Variants in NBEA observed in about 807,000 individuals in gnomAD.
NBEA encodes neurobeachin.
NBEA carries 44 observed loss-of-function variants against 343.4 expected under a neutral mutation model. That is an observed-to-expected ratio of 0.13 (90% CI 0.10 to 0.16). The LOEUF (loss-of-function observed/expected upper bound fraction) is 0.16, where lower values mean the gene tolerates loss of function less well. NBEA is among the 10% of genes least tolerant of loss of function. The pLI is 1.00. For synonymous variants in NBEA, 1,175 were observed against 1,238.7 expected (o/e 0.95, Z 1.08); for missense variants, 2,555 against 3,631.3 (o/e 0.70, Z 7.62).
intron 45 of NBEA, among the ~76,000 whole-genome samples, chr13:35,579,007 G>T (rs531620061): frequency 6.6e-6 from 1 of 151,552 alleles, no homozygotes; most frequent in African/African-American, 2.4e-5. Context: ...TTCCACTTAT[G>T]GTGTCATGTT....
At chr13:35,607,200 C>G (rs1463922061) in intron 48 of NBEA, among the ~76,000 whole-genome samples, 1 of 152,100 alleles carries the variant, frequency 6.6e-6, no homozygotes, top group East Asian at 1.9e-4. Flanking sequence ...TAGGCAAATG[C>G]CACCATGCCA....
intron 1 of NBEA, among the ~76,000 whole-genome samples, chr13:34,982,767 T>C (rs1478674384): frequency 6.6e-6 from 1 of 152,212 alleles, no homozygotes; most frequent in Non-Finnish European, 1.5e-5. Flanking sequence ...GTTGTAATGT[T>C]TCTAAGCTCT....
intron 1 of NBEA, among the ~76,000 whole-genome samples, chr13:34,950,681 G>T (rs2059324058): frequency 6.6e-6 from 1 of 151,728 alleles, no homozygotes; most frequent in Non-Finnish European, 1.5e-5. Context: ...ACTTGTCAAA[G>T]AACTTGATAT....
At chr13:34,951,065 A>G (rs1186931784) in intron 1 of NBEA, among the ~76,000 whole-genome samples, 1 of 152,196 alleles carries the variant, frequency 6.6e-6, no homozygotes, top group East Asian at 1.9e-4. Context: ...AAACTGTTAC[A>G]GCTATTCCGA....
intron 34 of NBEA, among the ~76,000 whole-genome samples, chr13:35,249,834 T>C (rs921193367): frequency 6.6e-5 from 10 of 152,316 alleles, no homozygotes; most frequent in African/African-American, 2.4e-4. Flanking sequence ...CCCAAGTTTC[T>C]ATCAACATAT....
chr13:35,657,162 G>A (rs2084850217), intron 55 of NBEA, among the ~76,000 whole-genome samples: 1 of 152,230 alleles, frequency 6.6e-6, no homozygotes, highest in Non-Finnish European at 1.5e-5. Context: ...GAAGATAGTG[G>A]AAGATTGGAT....
chr13:35,179,568 T>C (rs929990312), intron 28 of NBEA, among the ~76,000 whole-genome samples: 2 of 151,420 alleles, frequency 1.3e-5, no homozygotes, highest in African/African-American at 4.8e-5. Context: ...AAAAAAAAGC[T>C]AACTCTTTTC....
Position 35,170,764 on chromosome 13 carries a change from G to A in NBEA, c.4243-508G>A, listed in dbSNP as rs373028255. On this transcript the variant is annotated intron_variant, in intron 25 of 58. Transcript: ENST00000379939. ...TTTATTCTAAAATGGATAAGAAATT[G>A]TTATGCATTCTAATTTGACAGCCAT... is the stretch of plus-strand genomic sequence containing the variant. Among the ~76,000 whole-genome samples the A allele has an allele frequency of 4.5e-4, 68 of 151,846 alleles. 1 individual carries two copies. The South Asian group carries it at 0.014, about 31-fold the overall frequency.
chr13:35,324,706 T>G (rs1594220812), intron 36 of NBEA, among the ~76,000 whole-genome samples: 1 of 152,142 alleles, frequency 6.6e-6, no homozygotes, highest in African/African-American at 2.4e-5. Flanking sequence ...CAGAAAAAAA[T>G]TAAACAGTTC....
At chr13:35,160,235 C>T (rs1053115720) in intron 22 of NBEA, among the ~76,000 whole-genome samples, 3 of 152,120 alleles carry the variant, frequency 2.0e-5, no homozygotes, top group African/African-American at 7.2e-5. Context: ...AACTCTGCCA[C>T]ATTCTTCTGT....
At chr13:35,449,174 A>T (rs892590511) in intron 39 of NBEA, among the ~76,000 whole-genome samples, 1 of 152,218 alleles carries the variant, frequency 6.6e-6, no homozygotes, top group South Asian at 2.1e-4. Flanking sequence ...AGAAGTTTGG[A>T]TTTTATCCTC....
chr13:35,573,555 T>G (rs1040074558), intron 45 of NBEA, among the ~76,000 whole-genome samples: 6 of 152,252 alleles, frequency 3.9e-5, no homozygotes, highest in African/African-American at 1.4e-4. Flanking sequence ...TTTATAGATT[T>G]ATACAGAACT....
chr13:35,492,279 C>T (rs1315358578), intron 41 of NBEA, among the ~76,000 whole-genome samples: 1 of 151,868 alleles, frequency 6.6e-6, no homozygotes, highest in Non-Finnish European at 1.5e-5. Context: ...ACCAAAATCT[C>T]ACACTAAAGA....
At position 35,432,145 on chromosome 13, in the gene NBEA, G is replaced by A. The variant is rs532691844; in HGVS notation, c.6180-124G>A. On this transcript the variant is annotated intron_variant, in intron 38 of 58. Coordinates refer to ENST00000379939, the MANE Select transcript of NBEA (RefSeq NM_001385012.1). ...ACACAAATACAAGTGTAAAATATAAGTATCTCCAAAATTATCTTAATTTTT... is the reference window on the plus strand; with the variant it reads ...ACACAAATACAAGTGTAAAATATAAATATCTCCAAAATTATCTTAATTTTT... 1.1e-5 allele frequency: 7 copies of A among 621,308 alleles called. No individual in the cohort carries two copies. In the South Asian group the frequency reaches 2.0e-4, roughly 18 times the overall value. 38.5% of individuals were successfully genotyped at this position (621,308 alleles called of 1,614,324 possible). A position where few individuals can be genotyped will look rare whatever the true frequency, so the allele number is the denominator to read the frequency against.
At chr13:35,152,060 T>C (rs2068824723) in intron 18 of NBEA, among the ~76,000 whole-genome samples, 1 of 152,144 alleles carries the variant, frequency 6.6e-6, no homozygotes. Flanking sequence ...GCTTTATGGG[T>C]TCTCTTTGCA....
intron 1 of NBEA, among the ~76,000 whole-genome samples, chr13:34,990,263 C>G (rs2060704868): frequency 1.3e-5 from 2 of 151,182 alleles, no homozygotes; most frequent in African/African-American, 4.8e-5. Context: ...CCCACATTTC[C>G]CCTTCACACT....
chr13:35,056,520 T>C (rs1332685085), intron 7 of NBEA, among the ~76,000 whole-genome samples: 1 of 151,966 alleles, frequency 6.6e-6, no homozygotes, highest in East Asian at 1.9e-4. Flanking sequence ...GAAAATAAAT[T>C]GGGGATACAG....
intron 38 of NBEA, among the ~76,000 whole-genome samples, chr13:35,367,353 T>C (rs1435581355): frequency 6.6e-5 from 10 of 151,462 alleles, no homozygotes; most frequent in African/African-American, 2.4e-4. Flanking sequence ...ACATCTTCCA[T>C]GAAGATAAGG....
At chr13:35,319,947 T>A (rs949224093) in intron 36 of NBEA, among the ~76,000 whole-genome samples, 1 of 152,012 alleles carries the variant, frequency 6.6e-6, no homozygotes, top group Non-Finnish European at 1.5e-5. Context: ...ATTTGCTTGG[T>A]AAATAATCCC....
Sources: gnomAD v4.1 joint callset for allele counts (sites outside exome capture counted in the v4.1 genomes callset) on GRCh38, gnomAD v4.1.1 for gene constraint, MANE v1.5 for transcripts, NCBI Gene and HGNC (gene_info 2026-07-23, HGNC 2026-07-21) for gene names.